PCCA: variants seen among roughly 807,000 people sequenced by gnomAD.
The protein encoded by PCCA is propionyl-CoA carboxylase alpha chain, mitochondrial.
PCCA carries 74 observed loss-of-function variants against 101.3 expected under a neutral mutation model. The ratio of observed to expected loss-of-function variants is 0.73; its 90% CI spans 0.61 to 0.89. The LOEUF is 0.89. PCCA is among the 40% of genes least tolerant of loss of function. PCCA has a pLI of 0.00. For synonymous variants in PCCA, 294 were observed against 313.6 expected (o/e 0.94, Z 0.66); for missense variants, 891 against 907.0 (o/e 0.98, Z 0.23).
intron 19 of PCCA, among the ~76,000 whole-genome samples, chr13:100,412,297 C>T (rs377307466): frequency 7.9e-5 from 12 of 152,184 alleles, no homozygotes; most frequent in African/African-American, 1.2e-4. Context: ...GGAATAAATG[C>T]GGAAGTATTA....
chr13:100,163,285 G>T, intron 6 of PCCA, among the ~76,000 whole-genome samples: 1 of 152,088 alleles, frequency 6.6e-6, no homozygotes, highest in East Asian at 1.9e-4. Flanking sequence ...TCTCCTTACT[G>T]CCCTATGTAT....
rs544884640 is a variant in PCCA, at chr13:100,348,718, G to GT, written c.1643+8467dup. 3.0e-4 allele frequency among the ~76,000 whole-genome samples: 45 copies of GT among 147,568 alleles called. No homozygotes were observed. In the South Asian group the frequency reaches 6.4e-3, roughly 21 times the overall value. ...TCTTGAGAATCAGCTTTTACTTTCCGTTTTTTTTCCTTTCTTTCTTTCTTT... is the reference window on the plus strand; with the variant it reads ...TCTTGAGAATCAGCTTTTACTTTCCGTTTTTTTTTCCTTTCTTTCTTTCTTT... On this transcript the variant is annotated intron_variant, in intron 18 of 23. Transcript: ENST00000376285.
intron 20 of PCCA, among the ~76,000 whole-genome samples, chr13:100,426,030 G>C (rs1434127415): frequency 6.6e-6 from 1 of 150,400 alleles, no homozygotes; most frequent in Non-Finnish European, 1.5e-5. Flanking sequence ...TTTTTCCTCT[G>C]TGGGTTTTTA....
At chr13:100,353,952 CAAAAT>C (rs1324286015) in intron 18 of PCCA, among the ~76,000 whole-genome samples, 1 of 151,380 alleles carries the variant, frequency 6.6e-6, no homozygotes, top group African/African-American at 2.4e-5. Flanking sequence ...GACCCTATCT[CAAAAT>C]AAAAGAAGAA....
rs147165773 is a variant in PCCA, at chr13:100,258,925, G to A, written c.716+1252G>A. 2.5e-3 allele frequency among the ~76,000 whole-genome samples: 374 copies of A among 152,208 alleles called. 3 individuals carry two copies. The highest frequency in any genetic ancestry group is 8.7e-3 in the African/African-American group (362 of 41,536). ...AAAACTTGTTGAGATCAACACAGGC[G>A]TGCCTATTAGATTTAATAATACAAG... On this transcript the variant is annotated intron_variant, in intron 9 of 23. Transcript: ENST00000376285.
chr13:100,462,715 A>C (rs914757981), intron 21 of PCCA, among the ~76,000 whole-genome samples: 2 of 152,230 alleles, frequency 1.3e-5, no homozygotes, highest in Middle Eastern at 3.2e-3. Flanking sequence ...CACAAAACCT[A>C]GCATTTAATG....
intron 6 of PCCA, among the ~76,000 whole-genome samples, chr13:100,192,077 A>G (rs1489954969): frequency 6.6e-6 from 1 of 152,202 alleles, no homozygotes; most frequent in East Asian, 1.9e-4. Context: ...AGGAATTTGT[A>G]TCTTGGAAAG....
intron 12 of PCCA, among the ~76,000 whole-genome samples, chr13:100,292,094 A>G (rs1186048347): frequency 6.6e-6 from 1 of 152,148 alleles, no homozygotes; most frequent in African/African-American, 2.4e-5. Context: ...GCTGTTTTTG[A>G]CAGCTTCTCA....
chr13:100,419,141 C>A (rs1176303817), intron 19 of PCCA, among the ~76,000 whole-genome samples: 1 of 152,034 alleles, frequency 6.6e-6, no homozygotes, highest in African/African-American at 2.4e-5. Flanking sequence ...GTCCTTCTTC[C>A]TGCTGACAAG....
At chr13:100,401,897 G>A (rs1309174043) in intron 19 of PCCA, among the ~76,000 whole-genome samples, 1 of 152,108 alleles carries the variant, frequency 6.6e-6, no homozygotes. Context: ...AGACGTGAAA[G>A]TGAAACCTTA....
intron 19 of PCCA, among the ~76,000 whole-genome samples, chr13:100,398,031 TG>T (rs1344555286): frequency 6.6e-6 from 1 of 152,226 alleles, no homozygotes; most frequent in African/African-American, 2.4e-5. Flanking sequence ...TAAATGTTTT[TG>T]TGATTAGATT....
At chr13:100,153,563 C>G (rs868732064) in intron 4 of PCCA, among the ~76,000 whole-genome samples, 3 of 152,184 alleles carry the variant, frequency 2.0e-5, no homozygotes, top group Middle Eastern at 3.4e-3. Context: ...ATCACAATTA[C>G]AACAACAAAA....
At chr13:100,240,108 A>G (rs918249754) in intron 8 of PCCA, among the ~76,000 whole-genome samples, 2 of 152,192 alleles carry the variant, frequency 1.3e-5, no homozygotes, top group African/African-American at 4.8e-5. Context: ...AACATTTCAC[A>G]TAGCTGACAG....
At chr13:100,527,304 C>G (rs779019978) in intron 22 of PCCA, 2 of 475,024 alleles carry the variant, frequency 4.2e-6, no homozygotes, top group East Asian at 6.8e-5. Flanking sequence ...CAGGCAACCT[C>G]GAGTCTGTCT....
chr13:100,263,842 CGTATAT>C (rs1461815962), intron 10 of PCCA, among the ~76,000 whole-genome samples: 1,643 of 108,868 alleles, frequency 0.015, 30 homozygotes, highest in Middle Eastern at 0.019. Context: ...ATCTGTATAT[CGTATAT>C]ATATATATGG....
chr13:100,091,140 T>C (rs2046246372), intron 1 of PCCA, among the ~76,000 whole-genome samples: 1 of 150,200 alleles, frequency 6.7e-6, no homozygotes, highest in East Asian at 2.0e-4. Flanking sequence ...TCAGACCATC[T>C]GGCTCTTATA....
intron 19 of PCCA, among the ~76,000 whole-genome samples, chr13:100,421,507 C>T (rs1424553159): frequency 6.6e-6 from 1 of 151,822 alleles, no homozygotes; most frequent in African/African-American, 2.4e-5. Context: ...TTACATTCTA[C>T]AGAATATGTA....
chr13:100,310,639 G>T (rs1255595978), intron 16 of PCCA, among the ~76,000 whole-genome samples: 2 of 152,052 alleles, frequency 1.3e-5, no homozygotes, highest in Non-Finnish European at 2.9e-5. Context: ...GTACTCTTTT[G>T]TATTTACATG....
At chr13:100,514,425 G>A (rs2086688009) in intron 21 of PCCA, among the ~76,000 whole-genome samples, 1 of 152,306 alleles carries the variant, frequency 6.6e-6, no homozygotes, top group South Asian at 2.1e-4. Context: ...TTGAGTTACA[G>A]CAGGTTTTTT....
Sources: allele counts gnomAD v4.1 joint callset (sites outside exome capture counted in the v4.1 genomes callset), GRCh38; gene constraint gnomAD v4.1.1; transcripts MANE v1.5; gene names NCBI Gene and HGNC (gene_info 2026-07-23, HGNC 2026-07-21).